Variants in BMPR1A observed in about 807,000 individuals in gnomAD.
The protein encoded by BMPR1A is bone morphogenetic protein receptor type-1A.
A neutral mutation model predicts 66.0 loss-of-function variants in BMPR1A; 7 were observed. The observed-to-expected ratio is 0.11, with a 90% CI of 0.06 to 0.20. BMPR1A has a LOEUF of 0.20. Ranked by LOEUF, BMPR1A falls within the 10% of genes least tolerant of loss-of-function variation. BMPR1A has a pLI of 1.00. For synonymous variants in BMPR1A, 200 were observed against 229.7 expected (o/e 0.87, Z 1.17); for missense variants, 408 against 669.1 (o/e 0.61, Z 4.31).
At chr10:86,809,682 A>T (rs188697532) in intron 1 of BMPR1A, among the ~76,000 whole-genome samples, 181 of 144,654 alleles carry the variant, frequency 1.3e-3, no homozygotes, top group African/African-American at 4.5e-3. Context: ...GCCTCAAGCG[A>T]TCCTCTCCCC....
intron 2 of BMPR1A, among the ~76,000 whole-genome samples, chr10:86,860,619 A>G (rs1403344876): frequency 2.6e-5 from 4 of 151,736 alleles, no homozygotes; most frequent in Admixed American, 6.6e-5. Context: ...AAAATACAAA[A>G]ATTGGCCAAG....
chr10:86,836,507 C>T (rs778827727), intron 1 of BMPR1A, among the ~76,000 whole-genome samples: 6 of 152,148 alleles, frequency 3.9e-5, no homozygotes, highest in Middle Eastern at 3.4e-3. Context: ...CTTTAGGAAA[C>T]GTTTTCTGGG....
At chr10:86,844,524 C>CTTA (rs1230593580) in intron 2 of BMPR1A, among the ~76,000 whole-genome samples, 1 of 152,154 alleles carries the variant, frequency 6.6e-6, no homozygotes. Context: ...TACAGTAAGG[C>CTTA]AGTAAGTTAA....
chr10:86,757,705 G>C (rs1025923927), intron 1 of BMPR1A, among the ~76,000 whole-genome samples: 2 of 152,200 alleles, frequency 1.3e-5, no homozygotes, highest in Non-Finnish European at 2.9e-5. Flanking sequence ...AGAGTACATA[G>C]TATGAACTTG....
intron 1 of BMPR1A, among the ~76,000 whole-genome samples, chr10:86,833,096 T>A (rs1842295437): frequency 6.6e-6 from 1 of 151,976 alleles, no homozygotes; most frequent in Admixed American, 6.6e-5. Flanking sequence ...GACAACAGAG[T>A]GAGACCTCAC....
At chr10:86,807,516 G>C (rs887676733) in intron 1 of BMPR1A, among the ~76,000 whole-genome samples, 1 of 151,978 alleles carries the variant, frequency 6.6e-6, no homozygotes, top group Admixed American at 6.6e-5. Context: ...GAGTAGCTGG[G>C]GTTACAGATG....
rs71019431 is a variant in BMPR1A, at chr10:86,809,595, C to CTTTTTT, written c.-267-29258_-267-29253dup. On this transcript the variant is annotated intron_variant, in intron 1 of 12. Coordinates refer to ENST00000372037, the MANE Select transcript of BMPR1A (RefSeq NM_004329.3). The stretch of plus-strand genomic sequence containing the variant: ...AGGAGTAAGGCACCACACCCGACCT[C>CTTTTTT]TTTTTTTTTTTTTTTTTCTCTTTTT... Among the ~76,000 whole-genome samples the CTTTTTT allele has an allele frequency of 3.2e-5, 4 of 123,898 alleles. 1 individual carries two copies. Among genetic ancestry groups the CTTTTTT allele is most frequent in the African/African-American group, 6.3e-5 (2 of 31,608 alleles). 81.3% of individuals were successfully genotyped at this position (123,898 alleles called of 152,430 possible). A position where few individuals can be genotyped will look rare whatever the true frequency, so the allele number is the denominator to read the frequency against.
chr10:86,920,628 A>G (rs1843648056), intron 10 of BMPR1A, among the ~76,000 whole-genome samples: 1 of 152,170 alleles, frequency 6.6e-6, no homozygotes, highest in Non-Finnish European at 1.5e-5. Flanking sequence ...TATATTGATC[A>G]CTGCTTTAGA....
At chr10:86,893,814 A>G (rs943546125) in intron 5 of BMPR1A, among the ~76,000 whole-genome samples, 7 of 151,838 alleles carry the variant, frequency 4.6e-5, no homozygotes, top group Non-Finnish European at 8.8e-5. Context: ...AGAAATTCTC[A>G]GGATGGATAG....
intron 1 of BMPR1A, among the ~76,000 whole-genome samples, chr10:86,776,350 C>CTAA: frequency 6.6e-6 from 1 of 152,238 alleles, no homozygotes; most frequent in East Asian, 1.9e-4. Context: ...ACAGGTGTTG[C>CTAA]TAATACTACT....
At chr10:86,930,031 G>A (rs1843792834), downstream of BMPR1A, 1 of 152,242 alleles carries the variant, frequency 6.6e-6, no homozygotes, top group South Asian at 2.1e-4. Context: ...CTCAGCGCTT[G>A]GAGCATACAG....
At position 86,926,303 on chromosome 10, in the gene BMPR1A, C is replaced by T. The variant is rs1843743262; in HGVS notation, c.*2584C>T. On this transcript the variant is annotated 3_prime_UTR_variant, in exon 13 of 13. Transcript: ENST00000372037. ...TTGGGAGGCTGAGGCGGGTGGATCA[C>T]AAGGTCAGGAGTTCAAGACCAGCCT... 1 of 153,446 alleles carries T rather than the reference C, an allele frequency of 6.5e-6. No individual in the cohort carries two copies. Among genetic ancestry groups the T allele is most frequent in the South Asian group, 2.1e-4 (1 of 4,838 alleles). The allele number at this position is 153,446 out of a possible 1,614,324, so 9.5% of individuals were successfully genotyped here. A position where few individuals can be genotyped will look rare whatever the true frequency, so the allele number is the denominator to read the frequency against.
At chr10:86,766,128 A>C (rs1277460995) in intron 1 of BMPR1A, among the ~76,000 whole-genome samples, 7 of 151,848 alleles carry the variant, frequency 4.6e-5, no homozygotes, top group African/African-American at 1.7e-4. Flanking sequence ...CTGGGACCAG[A>C]GGTGCATGCT....
intron 5 of BMPR1A, among the ~76,000 whole-genome samples, chr10:86,894,574 G>A (rs974130139): frequency 6.6e-6 from 1 of 152,156 alleles, no homozygotes; most frequent in South Asian, 2.1e-4. Context: ...GGCCCCTAGT[G>A]TAGGCCTGTC....
At chr10:86,795,445 T>G (rs1021839666) in intron 1 of BMPR1A, among the ~76,000 whole-genome samples, 3 of 151,620 alleles carry the variant, frequency 2.0e-5, no homozygotes, top group African/African-American at 4.8e-5. Context: ...GCTGTAACAG[T>G]GAATAGATCT....
intron 1 of BMPR1A, among the ~76,000 whole-genome samples, chr10:86,809,422 C>T (rs1443120756): frequency 1.3e-5 from 2 of 151,466 alleles, no homozygotes; most frequent in Non-Finnish European, 2.9e-5. Context: ...CTCAAGTAGC[C>T]GGGACTACAG....
At chr10:86,784,960 G>A (rs1841495742) in intron 1 of BMPR1A, among the ~76,000 whole-genome samples, 1 of 151,786 alleles carries the variant, frequency 6.6e-6, no homozygotes, top group Non-Finnish European at 1.5e-5. Context: ...TTAAATGTAG[G>A]CATTTACTGC....
intron 2 of BMPR1A, among the ~76,000 whole-genome samples, chr10:86,841,525 A>G (rs1184241636): frequency 6.6e-6 from 1 of 152,236 alleles, no homozygotes; most frequent in Non-Finnish European, 1.5e-5. Flanking sequence ...ATTTGAGCAG[A>G]GTCTTGATGG....
At chr10:86,836,572 C>A (rs745699455) in intron 1 of BMPR1A, among the ~76,000 whole-genome samples, 1 of 151,982 alleles carries the variant, frequency 6.6e-6, no homozygotes, top group African/African-American at 2.4e-5. Flanking sequence ...CCGAGGCAGG[C>A]GGATCACTTG....
Sources: gnomAD v4.1 joint callset for allele counts (sites outside exome capture counted in the v4.1 genomes callset) on GRCh38, gnomAD v4.1.1 for gene constraint, MANE v1.5 for transcripts, NCBI Gene and HGNC (gene_info 2026-07-23, HGNC 2026-07-21) for gene names.